The following MAGI1 variants were observed in gnomAD, a reference collection of about 807,000 sequenced individuals.
MAGI1 encodes the protein membrane associated guanylate kinase, WW and PDZ domain containing 1.
Under a neutral mutation model 139.9 loss-of-function variants are expected in MAGI1, and 58 were observed. The observed-to-expected ratio is 0.41, with a 90% CI of 0.34 to 0.52. The LOEUF (loss-of-function observed/expected upper bound fraction) is 0.52. Among genes scored for constraint, MAGI1 ranks in the 20% least tolerant of loss-of-function variants. The pLI is 0.12. For missense variants in MAGI1, 1,874 were observed against 1,901.6 expected, an observed-to-expected ratio of 0.99 and a Z score of 0.27; for synonymous variants, 812 against 737.9, an observed-to-expected ratio of 1.10 and a Z score of -1.63.
At chr3:65,627,056 G>A (rs979043054) in intron 1 of MAGI1, among the ~76,000 whole-genome samples, 2 of 152,104 alleles carry the variant, frequency 1.3e-5, no homozygotes, top group African/African-American at 2.4e-5. Flanking sequence ...GCAAAGTTCC[G>A]GTCAAAGCCA....
At chr3:65,442,924 A>G in intron 7 of MAGI1, 75 bp from the exon 8 acceptor site, 1 of 1,080,650 alleles carries the variant, frequency 9.3e-7, no homozygotes, top group Non-Finnish European at 1.4e-6. Context: ...CAACTGAGTT[A>G]GGCAAAAAGA....
intron 1 of MAGI1, among the ~76,000 whole-genome samples, chr3:65,648,949 G>GTT (rs1416286833): frequency 1.3e-5 from 2 of 152,108 alleles, no homozygotes; most frequent in African/African-American, 4.8e-5. Flanking sequence ...GCAATTCAGT[G>GTT]GAGAAAGGAC....
At chr3:65,445,448 C>T (rs757334573) in intron 7 of MAGI1, among the ~76,000 whole-genome samples, 1 of 152,210 alleles carries the variant, frequency 6.6e-6, no homozygotes, top group Non-Finnish European at 1.5e-5. Context: ...TCATGCTGCA[C>T]TATTTTGTCT....
chr3:65,700,539 C>T (rs1255332176), intron 1 of MAGI1, among the ~76,000 whole-genome samples: 1 of 152,070 alleles, frequency 6.6e-6, no homozygotes, highest in African/African-American at 2.4e-5. Context: ...AGTAATCATA[C>T]ATGAATTGAT....
intron 2 of MAGI1, among the ~76,000 whole-genome samples, chr3:65,557,935 C>T (rs977850925): frequency 1.3e-5 from 2 of 152,160 alleles, no homozygotes; most frequent in Admixed American, 6.5e-5. Context: ...ACCATGGCCT[C>T]ATCCACCATC....
intron 10 of MAGI1, among the ~76,000 whole-genome samples, chr3:65,432,637 C>T (rs3935788): frequency 6.6e-6 from 1 of 152,162 alleles, no homozygotes; most frequent in Non-Finnish European, 1.5e-5. Context: ...TACAAGGATT[C>T]GCCACGCAAA....
At chr3:65,987,441 G>A (rs1478634032) in intron 1 of MAGI1, among the ~76,000 whole-genome samples, 2 of 152,192 alleles carry the variant, frequency 1.3e-5, no homozygotes, top group African/African-American at 4.8e-5. Flanking sequence ...CTAAGATGTA[G>A]GTAACTGCAC....
At chr3:65,835,877 G>GTT (rs1342602722) in intron 1 of MAGI1, among the ~76,000 whole-genome samples, 1 of 152,078 alleles carries the variant, frequency 6.6e-6, no homozygotes, top group Admixed American at 6.6e-5. Flanking sequence ...CAATCGCCCT[G>GTT]TTTCTCCCTT....
intron 4 of MAGI1, among the ~76,000 whole-genome samples, chr3:65,473,003 ACCTTG>A (rs1433797318): frequency 6.6e-6 from 1 of 152,152 alleles, no homozygotes; most frequent in Non-Finnish European, 1.5e-5. Context: ...AAAGTACTTA[ACCTTG>A]TGTGCCTTCA....
intron 1 of MAGI1, among the ~76,000 whole-genome samples, chr3:65,928,485 G>A (rs1052229814): frequency 6.6e-6 from 1 of 152,168 alleles, no homozygotes; most frequent in Non-Finnish European, 1.5e-5. Flanking sequence ...CACATGAGAT[G>A]AAATCAATGT....
chr3:66,027,848 C>T (rs1054643146), intron 1 of MAGI1, among the ~76,000 whole-genome samples: 14 of 152,178 alleles, frequency 9.2e-5, no homozygotes, highest in African/African-American at 2.2e-4. Flanking sequence ...AGCAGGGTCC[C>T]GGGCCTCTAC....
intron 1 of MAGI1, among the ~76,000 whole-genome samples, chr3:65,626,881 CAA>C (rs1056095904): frequency 3.9e-5 from 6 of 152,148 alleles, no homozygotes; most frequent in Admixed American, 6.5e-5. Context: ...GCCAATTATT[CAA>C]GAGACATGTC....
chr3:65,910,469 T>C (rs140744820), intron 1 of MAGI1, among the ~76,000 whole-genome samples: 1 of 152,058 alleles, frequency 6.6e-6, no homozygotes, highest in African/African-American at 2.4e-5. Flanking sequence ...AAACAACCAA[T>C]AAAGTACGCC....
intron 5 of MAGI1, among the ~76,000 whole-genome samples, chr3:65,468,960 A>AATAAATAC (rs1452606058): frequency 6.7e-6 from 1 of 149,674 alleles, no homozygotes; most frequent in African/African-American, 2.4e-5. Flanking sequence ...TAAATAAATA[A>AATAAATAC]ATAAATAAAT....
chr3:65,928,319 C>A (rs2062625080), intron 1 of MAGI1, among the ~76,000 whole-genome samples: 1 of 152,160 alleles, frequency 6.6e-6, no homozygotes, highest in African/African-American at 2.4e-5. Flanking sequence ...GTGCTCCCTG[C>A]CCAGAGCTGG....
At chr3:65,570,110 ATTATTATTC>A (rs1345189949) in intron 2 of MAGI1, among the ~76,000 whole-genome samples, 16 of 124,148 alleles carry the variant, frequency 1.3e-4, no homozygotes, top group African/African-American at 4.3e-4. Context: ...TATTATTATT[ATTATTATTC>A]TGAGACACAG....
Position 65,356,690 on chromosome 3 carries a change from G to C in MAGI1, c.4077C>G (p.Pro1359=). 1 of 1,592,492 alleles carries C rather than the reference G, an allele frequency of 6.3e-7. No homozygotes were observed. The highest frequency in any genetic ancestry group is 8.5e-7 in the Non-Finnish European group (1 of 1,169,870). ...VSPERRRERS[P]TRRRDGSPSR... ...TGGGGGAGCCGTCTCTCCTGCGGGT[G>C]GGTGACCGCTCTCGCCTCCGCTCCG... is the stretch of plus-strand genomic sequence containing the variant. Residue 1359 remains proline, a synonymous_variant, in exon 23 of 23, where the codon CCC becomes CCG. Coordinates refer to ENST00000402939, the MANE Select transcript of MAGI1 (RefSeq NM_001033057.2).
At chr3:65,497,105 T>G (rs1952512580) in intron 2 of MAGI1, among the ~76,000 whole-genome samples, 2 of 152,130 alleles carry the variant, frequency 1.3e-5, no homozygotes, top group Non-Finnish European at 2.9e-5. Flanking sequence ...GGAGCACAGC[T>G]GACCTTAAAA....
chr3:65,517,810 T>A (rs72893021), intron 2 of MAGI1, among the ~76,000 whole-genome samples: 5,669 of 152,192 alleles, frequency 0.037, 335 homozygotes, highest in African/African-American at 0.13. Context: ...GCAGGCTGCT[T>A]TCTGAAGTTA....
Sources: allele counts gnomAD v4.1 joint callset (sites outside exome capture counted in the v4.1 genomes callset), GRCh38; gene constraint gnomAD v4.1.1; transcripts MANE v1.5; gene names NCBI Gene and HGNC (gene_info 2026-07-23, HGNC 2026-07-21).